FOXP2: variants seen among roughly 807,000 people sequenced by gnomAD.
The protein encoded by FOXP2 is forkhead box protein P2.
FOXP2 carries 12 observed loss-of-function variants against 115.8 expected under a neutral mutation model. The ratio of observed to expected loss-of-function variants is 0.10; its 90% confidence interval spans 0.07 to 0.17. The LOEUF (loss-of-function observed/expected upper bound fraction) is 0.17, where lower values mean the gene tolerates loss of function less well. FOXP2 is among the 10% of genes least tolerant of loss of function. The probability of loss-of-function intolerance (pLI) is 1.00; values close to 1 mark genes in which losing one functional copy is unlikely to be tolerated. For synonymous variants in FOXP2, 328 were observed against 297.7 expected (o/e 1.10, Z -1.05); for missense variants, 629 against 843.5 (o/e 0.75, Z 3.15).
chr7:114,281,161 G>A (rs543311248), intron 1 of FOXP2, among the ~76,000 whole-genome samples: 195 of 145,076 alleles, frequency 1.3e-3, no homozygotes, highest in Admixed American at 4.3e-3. Context: ...CAGTGCCATG[G>A]CGTAATTTCG....
At chr7:114,425,770 A>G (rs1793817834) in intron 1 of FOXP2, among the ~76,000 whole-genome samples, 1 of 151,558 alleles carries the variant, frequency 6.6e-6, no homozygotes, top group Admixed American at 6.6e-5. Context: ...GAACAGTTTG[A>G]TTGCTGCTCA....
In FOXP2 at chr7:114,390,204, G is replaced by A. The variant is rs2894698; in HGVS notation, c.-10-36298G>A. On this transcript the variant is annotated intron_variant, in intron 2 of 17. Transcript: ENST00000634411. The stretch of plus-strand genomic sequence containing the variant: ...AACAGTACAGTATATAACTACTGGG[G>A]ATAAAGGAAGTGAATAATGAGTCAT... Among the ~76,000 whole-genome samples the A allele has an allele frequency of 7.2e-3, 1,098 of 152,130 alleles. 15 individuals are homozygous for A. Among genetic ancestry groups the A allele is most frequent in the African/African-American group, 0.025 (1,043 of 41,512 alleles).
intron 3 of FOXP2, among the ~76,000 whole-genome samples, chr7:114,592,534 A>G (rs181965499): frequency 1.7e-3 from 256 of 151,926 alleles, no homozygotes; most frequent in Admixed American, 5.3e-3. Context: ...ATCATGTTCT[A>G]TTTTCTTTAC....
At chr7:114,556,958 C>T (rs1262787876) in intron 3 of FOXP2, among the ~76,000 whole-genome samples, 1 of 152,104 alleles carries the variant, frequency 6.6e-6, no homozygotes, top group Non-Finnish European at 1.5e-5. Context: ...TATAATACAT[C>T]TACTCTGTTA....
At chr7:114,117,978 G>A (rs763927997) in intron 1 of FOXP2, among the ~76,000 whole-genome samples, 59 of 151,938 alleles carry the variant, frequency 3.9e-4, no homozygotes, top group Non-Finnish European at 6.2e-4. Flanking sequence ...TCTTATGATC[G>A]TATCTTATTC....
intron 2 of FOXP2, among the ~76,000 whole-genome samples, chr7:114,304,626 C>A (rs976015947): frequency 7.7e-6 from 1 of 129,278 alleles, no homozygotes; most frequent in Non-Finnish European, 1.5e-5. Flanking sequence ...GCCAAGATCG[C>A]GCAACTGCAC....
At chr7:114,250,931 G>T (rs1001494446) in intron 1 of FOXP2, among the ~76,000 whole-genome samples, 1 of 152,142 alleles carries the variant, frequency 6.6e-6, no homozygotes, top group African/African-American at 2.4e-5. Context: ...ATGGTTTTAA[G>T]TCTAACATTT....
intron 3 of FOXP2, among the ~76,000 whole-genome samples, chr7:114,554,856 A>G (rs963275959): frequency 1.3e-5 from 2 of 152,132 alleles, no homozygotes; most frequent in Non-Finnish European, 2.9e-5. Flanking sequence ...GCGTTTTACT[A>G]CTAGTTCATC....
chr7:114,294,841 AAAATAAAT>A (rs201482409), intron 2 of FOXP2, among the ~76,000 whole-genome samples: 5,371 of 139,722 alleles, frequency 0.038, 259 homozygotes, highest in African/African-American at 0.11. Flanking sequence ...ACACTGCCTC[AAAATAAAT>A]AAATAAATAA....
In FOXP2 at chr7:114,605,607, C is replaced by T. The variant is rs372708549; in HGVS notation, c.259-22933C>T. ...CTGTGGATCACTGCATAGAGGTGGG[C>T]GCTGTGCTGAGCCTCGGACGATAAG... is the stretch of plus-strand genomic sequence containing the variant. On this transcript the variant is annotated intron_variant, in intron 3 of 16. Transcript: ENST00000350908. Among the ~76,000 whole-genome samples the T allele has an allele frequency of 2.6e-5, 4 of 152,078 alleles. No homozygotes were observed. The East Asian group carries it at 5.8e-4, about 22-fold the overall frequency.
At position 114,475,245 on chromosome 7, in the gene FOXP2, G is replaced by A. The variant is rs534944226; in HGVS notation, c.168+48566G>A. Among the ~76,000 whole-genome samples the A allele has an allele frequency of 2.6e-5, 4 of 152,136 alleles. No individual in the cohort carries two copies. The East Asian group carries it at 5.8e-4, about 22-fold the overall frequency. ...CAAATTTTTAAAAATATTTTAATAT[G>A]TGCAAATGTGAGTCCGTTACTTGTC... On this transcript the variant is annotated intron_variant, in intron 2 of 16. Transcript: ENST00000350908.
At chr7:114,598,340 C>G (rs1802835888) in intron 3 of FOXP2, among the ~76,000 whole-genome samples, 1 of 152,042 alleles carries the variant, frequency 6.6e-6, no homozygotes, top group Non-Finnish European at 1.5e-5. Context: ...TTTCCCTACA[C>G]AAAAGCTATT....
chr7:114,203,287 C>T (rs971617893), intron 1 of FOXP2, among the ~76,000 whole-genome samples: 1 of 152,078 alleles, frequency 6.6e-6, no homozygotes, highest in African/African-American at 2.4e-5. Flanking sequence ...CTGTACAATC[C>T]AGTGAGAGGT....
At chr7:114,352,603 T>C (rs1053738229) in intron 2 of FOXP2, among the ~76,000 whole-genome samples, 10 of 152,188 alleles carry the variant, frequency 6.6e-5, no homozygotes, top group Non-Finnish European at 1.5e-5. Flanking sequence ...ATTAAAGTGT[T>C]GGCAGGGTTG....
chr7:114,577,659 G>T (rs746279373), intron 3 of FOXP2, among the ~76,000 whole-genome samples: 39 of 151,870 alleles, frequency 2.6e-4, no homozygotes, highest in Non-Finnish European at 5.0e-4. Flanking sequence ...TTAAGAGAGA[G>T]ATTGTGAGAT....
intron 2 of FOXP2, among the ~76,000 whole-genome samples, chr7:114,298,219 T>G (rs2129177841): frequency 6.6e-6 from 1 of 152,306 alleles, no homozygotes. Context: ...TCAGAGAACT[T>G]GTAGCAGAAG....
chr7:114,480,263 C>T (rs1796466053), intron 2 of FOXP2, among the ~76,000 whole-genome samples: 3 of 151,506 alleles, frequency 2.0e-5, no homozygotes, highest in East Asian at 3.9e-4. Context: ...TCCCCTGTCC[C>T]CCTCTTCCTC....
intron 2 of FOXP2, among the ~76,000 whole-genome samples, chr7:114,492,472 C>G (rs1015793759): frequency 6.6e-6 from 1 of 152,040 alleles, no homozygotes; most frequent in Non-Finnish European, 1.5e-5. Context: ...TGTGTTTGCT[C>G]TTGCTTCTCT....
intron 2 of FOXP2, among the ~76,000 whole-genome samples, chr7:114,476,163 GC>G (rs898776941): frequency 6.8e-6 from 1 of 146,878 alleles, no homozygotes; most frequent in African/African-American, 2.5e-5. Context: ...TGTTGCAGTT[GC>G]TTTTGGGGAC....
Sources: gnomAD v4.1 joint callset for allele counts (sites outside exome capture counted in the v4.1 genomes callset) on GRCh38, gnomAD v4.1.1 for gene constraint, MANE v1.5 for transcripts, NCBI Gene and HGNC (gene_info 2026-07-23, HGNC 2026-07-21) for gene names.